TBC1D22B: variants seen among roughly 807,000 people sequenced by gnomAD.
The protein encoded by TBC1D22B is chromosome 6 open reading frame 197.
TBC1D22B carries 32 observed loss-of-function variants against 69.1 expected under a neutral mutation model. The ratio of observed to expected loss-of-function variants is 0.46; its 90% CI spans 0.35 to 0.62. The LOEUF is 0.62. Among genes scored for constraint, TBC1D22B ranks in the 20% least tolerant of loss-of-function variants. The probability of loss-of-function intolerance (pLI) is 0.00; values close to 1 mark genes in which losing one functional copy is unlikely to be tolerated. For missense variants in TBC1D22B, 462 were observed against 630.9 expected (o/e 0.73, Z 2.87); for synonymous variants, 206 against 229.8 (o/e 0.90, Z 0.94).
intron 8 of TBC1D22B, among the ~76,000 whole-genome samples, chr6:37,305,090 GTTGTC>G (rs1356942338): frequency 2.0e-5 from 3 of 152,194 alleles, no homozygotes; most frequent in Non-Finnish European, 4.4e-5. Flanking sequence ...TGTGGATCCT[GTTGTC>G]TTGTCTTGCT....
intron 8 of TBC1D22B, among the ~76,000 whole-genome samples, chr6:37,303,250 C>A (rs1279781841): frequency 6.6e-6 from 1 of 152,140 alleles, no homozygotes; most frequent in Non-Finnish European, 1.5e-5. Context: ...CTTTGCTATT[C>A]TTAGGCTCCT....
rs766920102 is a variant in TBC1D22B, at chr6:37,291,371, G to A, written c.982+14G>A. The A allele has an allele frequency of 1.9e-6, 3 of 1,549,934 alleles. No homozygotes were observed. Among genetic ancestry groups the A allele is most frequent in the Non-Finnish European group, 2.6e-6 (3 of 1,135,326 alleles). On this transcript the variant is annotated intron_variant, in intron 8 of 12. Transcript: ENST00000373491. ...CAGAATATGTGGGTAAGAAGCATTA[G>A]TACCAAGCTGAACAAGCTATTGCTC...
At chr6:37,322,088 C>A (rs1290175095) in intron 12 of TBC1D22B, among the ~76,000 whole-genome samples, 1 of 152,128 alleles carries the variant, frequency 6.6e-6, no homozygotes, top group Non-Finnish European at 1.5e-5. Flanking sequence ...AATTCATTAC[C>A]ACCATGTACA....
At chr6:37,294,056 G>A (rs1220396965) in intron 8 of TBC1D22B, among the ~76,000 whole-genome samples, 2 of 152,170 alleles carry the variant, frequency 1.3e-5, no homozygotes, top group African/African-American at 4.8e-5. Flanking sequence ...ATGGTGAAGC[G>A]ACAAGTGCTG....
At chr6:37,274,181 A>G (rs1245004206) in intron 2 of TBC1D22B, among the ~76,000 whole-genome samples, 1 of 152,236 alleles carries the variant, frequency 6.6e-6, no homozygotes, top group Admixed American at 6.5e-5. Context: ...TTATAAAACT[A>G]GTTCACATGG....
chr6:37,268,306 C>T (rs1368657504), intron 1 of TBC1D22B, among the ~76,000 whole-genome samples: 2 of 152,054 alleles, frequency 1.3e-5, no homozygotes, highest in Non-Finnish European at 1.5e-5. Flanking sequence ...GTGCTCACTG[C>T]AGCCTGGACC....
chr6:37,258,259 G>T (rs1315459169), intron 1 of TBC1D22B: 2 of 452,180 alleles, frequency 4.4e-6, no homozygotes, highest in Non-Finnish European at 8.0e-6. Context: ...GGAGTTGGGT[G>T]AATAGTCAGT....
chr6:37,326,995 A>G (rs1768424830), intron 12 of TBC1D22B, among the ~76,000 whole-genome samples: 1 of 152,200 alleles, frequency 6.6e-6, no homozygotes. Flanking sequence ...TTAGGATACA[A>G]GTGGTCTACC....
At chr6:37,289,346 T>C (rs760491925) in intron 7 of TBC1D22B, among the ~76,000 whole-genome samples, 30 of 152,234 alleles carry the variant, frequency 2.0e-4, no homozygotes, top group Non-Finnish European at 4.4e-5. Flanking sequence ...CCTCCAGCGG[T>C]TCTCCTATCC....
Position 37,281,575 on chromosome 6 carries a change from C to T in TBC1D22B, c.422-610C>T, listed in dbSNP as rs77678537. Among the ~76,000 whole-genome samples the T allele has an allele frequency of 9.2e-3, 1,395 of 152,300 alleles. 20 individuals carry two copies. The highest frequency in any genetic ancestry group is 0.031 in the African/African-American group (1,296 of 41,550). Reference sequence around the variant, plus strand: ...CCATTGTGCAGGGCACACTGGTGGGCCAAGAACCGGGTACAGGATGTGCGG... The same window carrying T: ...CCATTGTGCAGGGCACACTGGTGGGTCAAGAACCGGGTACAGGATGTGCGG... On this transcript the variant is annotated intron_variant, in intron 3 of 12. Transcript: ENST00000373491.
At chr6:37,316,457 C>T (rs777822490) in intron 10 of TBC1D22B, among the ~76,000 whole-genome samples, 14 of 152,202 alleles carry the variant, frequency 9.2e-5, no homozygotes, top group Non-Finnish European at 1.0e-4. Flanking sequence ...ACAAAGGAAG[C>T]GGGGCTCCTA....
chr6:37,307,266 T>A (rs777732736), intron 8 of TBC1D22B, among the ~76,000 whole-genome samples: 17 of 152,278 alleles, frequency 1.1e-4, no homozygotes, highest in Non-Finnish European at 2.1e-4. Context: ...TGTTGCTGTT[T>A]TAAGAGGTTC....
At chr6:37,273,421 T>C (rs1164405657) in intron 2 of TBC1D22B, among the ~76,000 whole-genome samples, 1 of 152,194 alleles carries the variant, frequency 6.6e-6, no homozygotes, top group African/African-American at 2.4e-5. Context: ...GTAGTGTCCA[T>C]TTTATGTTTT....
intron 12 of TBC1D22B, among the ~76,000 whole-genome samples, chr6:37,330,204 T>C (rs1046357248): frequency 2.0e-5 from 3 of 149,930 alleles, no homozygotes; most frequent in African/African-American, 4.9e-5. Context: ...ATAGATGTTA[T>C]AAATATTTTG....
In TBC1D22B at chr6:37,279,611, AGTAAGTCCTTCC is replaced by A. The variant is rs751447725; in HGVS notation, c.421+1_421+12del. ...TGATGCCCAGCTGTCCAGAAACTCT[AGTAAGTCCTTCC>A]TGCTCCCTTCATAGCCTCAGCCTTC... On this transcript the variant is annotated splice_donor_variant and splice_donor_5th_base_variant and intron_variant, in intron 3 of 12. Coordinates refer to ENST00000373491, the MANE Select transcript of TBC1D22B (RefSeq NM_017772.4). LOFTEE classifies it high-confidence loss of function. 1 of 1,607,524 alleles carries A rather than the reference AGTAAGTCCTTCC, an allele frequency of 6.2e-7. No individual in the cohort carries two copies. Among genetic ancestry groups the A allele is most frequent in the South Asian group, 1.1e-5 (1 of 90,462 alleles).
At chr6:37,266,022 G>T (rs778593908) in intron 1 of TBC1D22B, among the ~76,000 whole-genome samples, 1 of 152,140 alleles carries the variant, frequency 6.6e-6, no homozygotes, top group Non-Finnish European at 1.5e-5. Context: ...TGTTTGCTGG[G>T]TAGTGTTCTA....
At chr6:37,329,440 A>C (rs527789424) in intron 12 of TBC1D22B, among the ~76,000 whole-genome samples, 11 of 152,352 alleles carry the variant, frequency 7.2e-5, no homozygotes, top group Non-Finnish European at 1.6e-4. Context: ...TATTTGAAGC[A>C]ATGATGCAGT....
intron 8 of TBC1D22B, among the ~76,000 whole-genome samples, chr6:37,298,524 T>C (rs1453919071): frequency 6.6e-6 from 1 of 150,732 alleles, no homozygotes; most frequent in Non-Finnish European, 1.5e-5. Context: ...TAGAAGAACA[T>C]TTAAGTTGCC....
chr6:37,324,592 A>G (rs195422), intron 12 of TBC1D22B, among the ~76,000 whole-genome samples: 131,684 of 152,146 alleles, frequency 0.87, 57,035 homozygotes, highest in Middle Eastern at 0.92. Flanking sequence ...GTGTGACACC[A>G]ATATGGCATC....
Sources: allele counts gnomAD v4.1 joint callset (sites outside exome capture counted in the v4.1 genomes callset), GRCh38; gene constraint gnomAD v4.1.1; transcripts MANE v1.5; gene names NCBI Gene and HGNC (gene_info 2026-07-23, HGNC 2026-07-21).